Variants in OR1A1 observed in about 807,000 individuals in gnomAD.
The protein encoded by OR1A1 is olfactory receptor 1A1.
For synonymous variants in OR1A1, 145 were observed against 147.8 expected (o/e 0.98, Z 0.13); for missense variants, 391 against 379.9 (o/e 1.03, Z -0.24).
chr17:3,215,887 C>A lies in OR1A1; in HGVS notation c.267C>A (p.Ser89Arg), dbSNP rs2048465333. The A allele has an allele frequency of 2.5e-6, 4 of 1,614,158 alleles. No individual in the cohort carries two copies. Among genetic ancestry groups the A allele is most frequent in the Middle Eastern group, 1.6e-4 (1 of 6,062 alleles). Residue 89 changes from serine to arginine, a missense_variant, in exon 4 of 4, where the codon AGC (serine) becomes AGA (arginine). Ser to Arg is a moderately radical substitution (Grantham distance 110). Coordinates refer to ENST00000641732, the MANE Select transcript of OR1A1 (RefSeq NM_014565.3). ...PKMLANHLLGSKSISFGGCLT... is the reference protein window; with the variant it reads ...PKMLANHLLGRKSISFGGCLT... ...TGCTGGCCAACCATCTCTTGGGCAG[C>A]AAATCCATCTCTTTTGGGGGATGCC...
rs1402868358 is a variant in OR1A1 at position 3,218,312 on chromosome 17, C to T, written c.*1762C>T. On this transcript the variant is annotated 3_prime_UTR_variant, in exon 4 of 4. Coordinates refer to ENST00000641732, the MANE Select transcript of OR1A1 (RefSeq NM_014565.3). ...GTGGAGAAATAGGAAGGTTTTTACACTGTTGGTGGGAGTGTAAATTAGTTC... is the reference window on the plus strand; with the variant it reads ...GTGGAGAAATAGGAAGGTTTTTACATTGTTGGTGGGAGTGTAAATTAGTTC... 6.6e-6 allele frequency: 1 copy of T among 152,178 alleles called. No individual in the cohort carries two copies. Among genetic ancestry groups the T allele is most frequent in the Non-Finnish European group, 1.5e-5 (1 of 68,038 alleles). 9.4% of individuals were successfully genotyped at this position (152,178 alleles called of 1,614,324 possible).
In OR1A1 at chr17:3,216,658, T is replaced by C; in HGVS notation, c.*108T>C. ...GAGGCAGTCTCTGATCTTTCTAGCC[T>C]GAAATTCCTAATCTCAGAACTCTTA... On this transcript the variant is annotated 3_prime_UTR_variant, in exon 4 of 4. Transcript: ENST00000641732. 1.2e-6 allele frequency: 1 copy of C among 814,112 alleles called. No homozygotes were observed. The highest frequency in any genetic ancestry group is 1.9e-6 in the Non-Finnish European group (1 of 523,518). The allele number at this position is 814,112 out of a possible 1,614,324, so 50.4% of individuals were successfully genotyped here.
Position 3,216,522 on chromosome 17 carries a change from A to C in OR1A1, c.902A>C (p.Lys301Thr), listed in dbSNP as rs1477050803. 1 of 1,612,626 alleles carries C rather than the reference A, an allele frequency of 6.2e-7. No individual in the cohort carries two copies. Among genetic ancestry groups the C allele is most frequent in the African/African-American group, 1.3e-5 (1 of 74,654 alleles). ...RNRDMKAALR[K>T]LFNKRISS ...CGGGACATGAAGGCTGCCCTGCGGA[A>C]ACTCTTCAACAAGAGAATCTCCTCG... Residue 301 changes from lysine to threonine, a missense_variant, in exon 4 of 4, where the codon AAA becomes ACA. Transcript: ENST00000641732.
Position 3,215,856 on chromosome 17 carries a change from C to G in OR1A1, c.236C>G (p.Pro79Arg). The G allele has an allele frequency of 2.5e-6, 4 of 1,614,184 alleles. No individual in the cohort carries two copies. Among genetic ancestry groups the G allele is most frequent in the Non-Finnish European group, 3.4e-6 (4 of 1,180,028 alleles). ...VDIFFSSVTI[P>R]KMLANHLLGS... ...ATCTTCTTCTCATCGGTAACCATCC[C>G]TAAGATGCTGGCCAACCATCTCTTG... The change falls in exon 4 of 4, where the codon CCT (proline) becomes CGT (arginine). Residue 79 changes from proline to arginine, a missense_variant. Pro to Arg is a moderately radical substitution (Grantham distance 103). Coordinates refer to ENST00000641732, the MANE Select transcript of OR1A1 (RefSeq NM_014565.3).
intron 3 of OR1A1, chr17:3,214,280 CCTG>C (rs2048456007): frequency 6.6e-6 from 1 of 152,162 alleles, no homozygotes; most frequent in Non-Finnish European, 1.5e-5. Flanking sequence ...GGGCGGATCA[CCTG>C]AGGTCAGGAG....
intron 2 of OR1A1, among the ~76,000 whole-genome samples, chr17:3,211,343 T>G (rs1207494181): frequency 6.6e-6 from 1 of 150,866 alleles, no homozygotes; most frequent in Non-Finnish European, 1.5e-5. Flanking sequence ...TAAATGAATT[T>G]TTTTTTTTTG....
At position 3,215,995 on chromosome 17, in the gene OR1A1, C is replaced by T. The variant is rs2048466235; in HGVS notation, c.375C>T (p.Ala125=). The change falls in exon 4 of 4, where the codon GCC becomes GCT. Residue 125 remains alanine (A), a synonymous_variant. Coordinates refer to ENST00000641732, the MANE Select transcript of OR1A1 (RefSeq NM_014565.3). ...LAAMAYDRAV[A]ISRPLHYTTI... ...CAATGGCATATGATCGAGCTGTGGC[C>T]ATCAGCCGCCCACTTCACTACACAA... 6.2e-7 allele frequency: 1 copy of T among 1,614,104 alleles called. No individual in the cohort carries two copies. The highest frequency in any genetic ancestry group is 8.5e-7 in the Non-Finnish European group (1 of 1,180,024).
At position 3,216,270 on chromosome 17, in the gene OR1A1, A is replaced by G. The variant is rs772664663; in HGVS notation, c.650A>G (p.Tyr217Cys). The change falls in exon 4 of 4, where the codon TAT becomes TGT. Residue 217 changes from tyrosine to cysteine, a missense_variant. Tyr to Cys is a radical substitution (Grantham distance 194). Transcript: ENST00000641732. ...SVPLLCIIVSYIRVFSTVFQV... is the reference protein window; with the variant it reads ...SVPLLCIIVSCIRVFSTVFQV... ...CCATTACTATGCATCATTGTCTCCT[A>G]TATTCGAGTCTTCTCCACAGTCTTC... is the stretch of plus-strand genomic sequence containing the variant. 3 of 1,614,014 alleles carry G rather than the reference A, an allele frequency of 1.9e-6. No individual in the cohort carries two copies. The highest frequency in any genetic ancestry group is 2.5e-6 in the Non-Finnish European group (3 of 1,180,034).
In OR1A1 at chr17:3,218,536, T is replaced by C. The variant is rs557947443; in HGVS notation, c.*1986T>C. ...AACCAACCCAAATGCCCATCAATGA[T>C]AGACTGGATGAAGAAAATGTGGCAC... On this transcript the variant is annotated 3_prime_UTR_variant, in exon 4 of 4. Coordinates refer to ENST00000641732, the MANE Select transcript of OR1A1 (RefSeq NM_014565.3). 6.6e-6 allele frequency: 1 copy of C among 152,344 alleles called. No individual in the cohort carries two copies. The highest frequency in any genetic ancestry group is 2.4e-5 in the African/African-American group (1 of 41,562). The allele number at this position is 152,344 out of a possible 1,614,324, so 9.4% of individuals were successfully genotyped here.
intron 2 of OR1A1, among the ~76,000 whole-genome samples, chr17:3,211,570 A>G (rs1244263073): frequency 6.6e-6 from 1 of 152,202 alleles, no homozygotes; most frequent in Non-Finnish European, 1.5e-5. Context: ...GCCTGACCTC[A>G]GGTAATCCGC....
chr17:3,211,369 C>T (rs529774504), intron 2 of OR1A1, among the ~76,000 whole-genome samples: 351 of 151,834 alleles, frequency 2.3e-3, no homozygotes, highest in Non-Finnish European at 4.1e-3. Flanking sequence ...GAATTTTGCT[C>T]CTTCCCCCAG....
Position 3,216,091 on chromosome 17 carries a change from C to A in OR1A1, c.471C>A (p.Leu157=), listed in dbSNP as rs2048467440. 8.1e-6 allele frequency: 13 copies of A among 1,614,142 alleles called. No individual in the cohort carries two copies. Among genetic ancestry groups the A allele is most frequent in the Non-Finnish European group, 1.1e-5 (13 of 1,180,022 alleles). Residue 157 remains leucine (L), a synonymous_variant, in exon 4 of 4, where the codon CTC becomes CTA. Coordinates refer to ENST00000641732, the MANE Select transcript of OR1A1 (RefSeq NM_014565.3). ...GGGTGATTGGAAATGCCAATGCCCT[C>A]CCCCACACTCTGCTCACAGCTAGTC... is the stretch of plus-strand genomic sequence containing the variant. The part of the protein sequence containing the change: ...GSWVIGNANA[L]PHTLLTASLS...
At chr17:3,209,400 A>T (rs1015100750) in intron 2 of OR1A1, among the ~76,000 whole-genome samples, 9 of 152,146 alleles carry the variant, frequency 5.9e-5, no homozygotes, top group Non-Finnish European at 1.2e-4. Flanking sequence ...AAGTGGGAGG[A>T]TCACTTCAGG....
intron 3 of OR1A1, chr17:3,214,241 G>A (rs141140601): frequency 0.012 from 1,872 of 152,306 alleles, 34 homozygotes; most frequent in African/African-American, 0.042. Context: ...GCTCACGCCT[G>A]TAATCCCAGC....
rs768994377 is a variant in OR1A1, at chr17:3,215,724, AC to A, written c.108del (p.Ile37SerfsTer3). 2 of 1,613,930 alleles carry A rather than the reference AC, an allele frequency of 1.2e-6. No homozygotes were observed. Among genetic ancestry groups the A allele is most frequent in the South Asian group, 2.2e-5 (2 of 91,058 alleles). On this transcript the variant is annotated frameshift_variant, in exon 4 of 4. Transcript: ENST00000641732. LOFTEE classifies it low-confidence loss of function (END_TRUNC). The part of the protein sequence containing the change: ...DFFYILFLFI[Y>X]PITLIGNLLI... ...TTCTACATCCTCTTCTTGTTCATTT[AC>A]CCCATCACATTGATTGGAAACCTGC... is the stretch of plus-strand genomic sequence containing the variant.
intron 2 of OR1A1, 65 bp downstream of exon 2, chr17:3,209,063 G>A (rs1173750497): frequency 6.6e-6 from 1 of 151,962 alleles, no homozygotes. Context: ...AAGTTACTGG[G>A]GTACAGGTGG....
intron 3 of OR1A1, chr17:3,213,677 T>G (rs1435043264): frequency 2.0e-5 from 3 of 152,146 alleles, no homozygotes; most frequent in Non-Finnish European, 4.4e-5. Flanking sequence ...ACAGGTTCAT[T>G]CCATCATGTG....
rs140034515 is a variant in OR1A1, at chr17:3,215,371, G to A, written c.-5-245G>A. Among the ~76,000 whole-genome samples the A allele has an allele frequency of 2.0e-4, 31 of 152,344 alleles. No individual in the cohort carries two copies. In the East Asian group the frequency reaches 5.8e-3, roughly 28 times the overall value. Reference sequence around the variant, plus strand: ...CGTTTAGTGGTGGTGCTTGGAACAGGAAGGATGGGCACTTCTGATTCAGAG... The same window carrying A: ...CGTTTAGTGGTGGTGCTTGGAACAGAAAGGATGGGCACTTCTGATTCAGAG... On this transcript the variant is annotated intron_variant, in intron 3 of 3. Transcript: ENST00000641732.
At chr17:3,211,210 G>A (rs183929955) in intron 2 of OR1A1, among the ~76,000 whole-genome samples, 25 of 152,080 alleles carry the variant, frequency 1.6e-4, no homozygotes, top group African/African-American at 5.5e-4. Context: ...TTTCTTTGTC[G>A]GTCTCTAACT....
Sources: gnomAD v4.1 joint callset for allele counts (sites outside exome capture counted in the v4.1 genomes callset) on GRCh38, gnomAD v4.1.1 for gene constraint, MANE v1.5 for transcripts, NCBI Gene and HGNC (gene_info 2026-07-23, HGNC 2026-07-21) for gene names.